Variants in GOSR1 observed in about 807,000 individuals in gnomAD.
GOSR1 encodes 28 kDa Golgi SNARE protein.
In GOSR1, 21 loss-of-function variants were observed where a neutral mutation model predicts 35.5. That is an observed-to-expected ratio of 0.59 (90% CI 0.42 to 0.85). GOSR1 has a LOEUF of 0.85. Among genes scored for constraint, GOSR1 ranks in the 40% least tolerant of loss-of-function variants. GOSR1 has a pLI of 0.00. For synonymous variants in GOSR1, 94 were observed against 106.6 expected (o/e 0.88, Z 0.73); for missense variants, 285 against 309.6 (o/e 0.92, Z 0.60).
At chr17:30,499,342 CTTTTT>C (rs3039523) in intron 6 of GOSR1, among the ~76,000 whole-genome samples, 1 of 133,724 alleles carries the variant, frequency 7.5e-6, no homozygotes. Context: ...TCTCATTCCT[CTTTTT>C]TTTTTTTTTT....
intron 6 of GOSR1, among the ~76,000 whole-genome samples, chr17:30,503,577 G>C (rs1049235302): frequency 6.6e-6 from 1 of 152,276 alleles, no homozygotes; most frequent in African/African-American, 2.4e-5. Flanking sequence ...CTCTGTTGTC[G>C]TGTCCACACG....
At chr17:30,509,538 G>A (rs1235160330) in intron 6 of GOSR1, among the ~76,000 whole-genome samples, 1 of 152,232 alleles carries the variant, frequency 6.6e-6, no homozygotes, top group Non-Finnish European at 1.5e-5. Flanking sequence ...GAAATAAGTA[G>A]TTGGAAAAAT....
chr17:30,508,958 G>T (rs1311837316), intron 6 of GOSR1, among the ~76,000 whole-genome samples: 2 of 151,864 alleles, frequency 1.3e-5, no homozygotes, highest in Non-Finnish European at 2.9e-5. Context: ...TTAATAACAG[G>T]ATTTATATAT....
chr17:30,522,589 T>TA lies in GOSR1; in HGVS notation c.*213dup, dbSNP rs1327413913. ...GTTTTCTAACACATTTTTCTGTTTT[T>TA]AATTAAAAAAAAAAAAAAAAGGTTT... On this transcript the variant is annotated 3_prime_UTR_variant, in exon 9 of 9. Transcript: ENST00000451249. 1 of 355,368 alleles carries TA rather than the reference T, an allele frequency of 2.8e-6. No homozygotes were observed. Among genetic ancestry groups the TA allele is most frequent in the Non-Finnish European group, 4.9e-6 (1 of 204,386 alleles). The allele number at this position is 355,368 out of a possible 1,614,324, so 22.0% of individuals were successfully genotyped here.
At chr17:30,489,580 G>C (rs1347631539) in intron 4 of GOSR1, among the ~76,000 whole-genome samples, 1 of 152,074 alleles carries the variant, frequency 6.6e-6, no homozygotes, top group Non-Finnish European at 1.5e-5. Flanking sequence ...ACAAGATTTT[G>C]ATTTTCTTCT....
At chr17:30,483,749 A>G (rs1914499682) in intron 2 of GOSR1, among the ~76,000 whole-genome samples, 1 of 152,226 alleles carries the variant, frequency 6.6e-6, no homozygotes, top group African/African-American at 2.4e-5. Flanking sequence ...GTGGGTTTAG[A>G]ATTTGAATCT....
At chr17:30,501,740 C>T (rs1348043883) in intron 6 of GOSR1, among the ~76,000 whole-genome samples, 5 of 152,160 alleles carry the variant, frequency 3.3e-5, no homozygotes, top group South Asian at 2.1e-4. Context: ...GTGATCCACC[C>T]GCCTTGGCCT....
chr17:30,512,425 T>C (rs1299382386), intron 7 of GOSR1, among the ~76,000 whole-genome samples: 1 of 152,208 alleles, frequency 6.6e-6, no homozygotes, highest in African/African-American at 2.4e-5. Context: ...TTCTACAAAG[T>C]TTAACATACA....
chr17:30,481,511 T>C (rs1490934631), intron 2 of GOSR1, among the ~76,000 whole-genome samples: 1 of 152,124 alleles, frequency 6.6e-6, no homozygotes, highest in Non-Finnish European at 1.5e-5. Flanking sequence ...CAGAATAAGT[T>C]TGTATCAAAA....
chr17:30,491,461 C>A (rs1915038147), intron 5 of GOSR1, among the ~76,000 whole-genome samples: 1 of 152,034 alleles, frequency 6.6e-6, no homozygotes, highest in Admixed American at 6.6e-5. Context: ...GAGTTCAAGA[C>A]CAGCCTGGCC....
intron 7 of GOSR1, 104 bp downstream of exon 7, chr17:30,511,013 A>G (rs1567913332): frequency 2.8e-6 from 2 of 709,088 alleles, no homozygotes; most frequent in Non-Finnish European, 2.5e-6. Flanking sequence ...AAACATTTTA[A>G]TGAACAGATC....
rs754378569 is a variant in GOSR1, at chr17:30,484,983, C to T, written c.342+213C>T. ...TCTAATAGCTCTTGCTATTTCTTGG[C>T]GAAGTTGAGTAATATTCATCACTGG... On this transcript the variant is annotated intron_variant, in intron 4 of 8. Coordinates refer to ENST00000451249, the MANE Select transcript of GOSR1 (RefSeq NM_001007025.2). 3 of 563,590 alleles carry T rather than the reference C, an allele frequency of 5.3e-6. No individual in the cohort carries two copies. Among genetic ancestry groups the T allele is most frequent in the East Asian group, 3.4e-5 (1 of 29,246 alleles). The allele number at this position is 563,590 out of a possible 1,614,324, so 34.9% of individuals were successfully genotyped here.
At chr17:30,481,301 T>A (rs760846753) in intron 2 of GOSR1, 44 bp downstream of exon 2, 1 of 1,428,004 alleles carries the variant, frequency 7.0e-7, no homozygotes, top group East Asian at 2.3e-5. Flanking sequence ...TTAACTGTGT[T>A]TTTAAAGCAT....
intron 4 of GOSR1, chr17:30,485,270 A>ATTT (rs1324966154): frequency 8.0e-5 from 13 of 163,364 alleles, no homozygotes; most frequent in South Asian, 1.3e-4. Context: ...TAGGAAGGCA[A>ATTT]TTTTTTTTTT....
chr17:30,501,706 G>C (rs1352056946), intron 6 of GOSR1, among the ~76,000 whole-genome samples: 2 of 152,134 alleles, frequency 1.3e-5, no homozygotes, highest in Admixed American at 6.5e-5. Context: ...ATCTTGGCCA[G>C]GCTGGTCTTG....
At chr17:30,486,142 CAA>C (rs147803150) in intron 4 of GOSR1, among the ~76,000 whole-genome samples, 1,901 of 151,186 alleles carry the variant, frequency 0.013, 32 homozygotes, top group African/African-American at 0.044. Context: ...TTGTATGAAA[CAA>C]GACAAGGATA....
intron 1 of GOSR1, chr17:30,478,685 T>C (rs1346353531): frequency 6.6e-6 from 1 of 151,736 alleles, no homozygotes; most frequent in Non-Finnish European, 1.5e-5. Flanking sequence ...GCCTCCTTAG[T>C]AGCTGGGACT....
At chr17:30,516,012 G>A (rs6505191) in intron 7 of GOSR1, among the ~76,000 whole-genome samples, 92,482 of 152,020 alleles carry the variant, frequency 0.61, 29,479 homozygotes, top group East Asian at 0.83. Flanking sequence ...AAATCCTAGT[G>A]TGTCCATGTT....
chr17:30,480,698 C>T (rs928963074), intron 1 of GOSR1, among the ~76,000 whole-genome samples: 4 of 145,512 alleles, frequency 2.7e-5, no homozygotes, highest in African/African-American at 1.0e-4. Flanking sequence ...TCCTTGGTTT[C>T]CTTCTTTTAA....
Sources: allele counts gnomAD v4.1 joint callset (sites outside exome capture counted in the v4.1 genomes callset), GRCh38; gene constraint gnomAD v4.1.1; transcripts MANE v1.5; gene names NCBI Gene and HGNC (gene_info 2026-07-23, HGNC 2026-07-21).